The following FRMD3 variants were observed in gnomAD, a reference collection of about 807,000 sequenced individuals.
FRMD3 encodes the protein FERM domain-containing protein 3.
A neutral mutation model predicts 70.2 loss-of-function variants in FRMD3; 33 were observed. That is an observed-to-expected ratio of 0.47 (90% CI 0.36 to 0.63). The LOEUF is 0.63. Ranked by LOEUF, FRMD3 falls within the 20% of genes least tolerant of loss-of-function variation. The pLI is 0.00. For synonymous variants in FRMD3, 279 were observed against 255.9 expected (o/e 1.09, Z -0.86); for missense variants, 632 against 711.4 (o/e 0.89, Z 1.27).
chr9:83,539,877 G>A, upstream of FRMD3, among the ~76,000 whole-genome samples: 1 of 152,304 alleles, frequency 6.6e-6, no homozygotes, highest in South Asian at 2.1e-4. Context: ...TGAATATTTA[G>A]ATGATAGTAT....
intron 3 of FRMD3, among the ~76,000 whole-genome samples, chr9:83,352,018 G>A (rs1395979901): frequency 1.3e-5 from 2 of 152,138 alleles, no homozygotes; most frequent in Admixed American, 1.3e-4. Flanking sequence ...CTCCAGGACA[G>A]TAGATAGAGA....
chr9:83,584,241 A>G, the FRMD3 span, among the ~76,000 whole-genome samples: 2 of 151,956 alleles, frequency 1.3e-5, no homozygotes, highest in African/African-American at 4.8e-5. Context: ...GACCTGGGAG[A>G]TGGAGGCTGC....
At chr9:83,517,572 C>G (rs1455159220) in intron 1 of FRMD3, among the ~76,000 whole-genome samples, 3 of 150,772 alleles carry the variant, frequency 2.0e-5, no homozygotes, top group African/African-American at 7.3e-5. Flanking sequence ...ACAAAAAGCA[C>G]CCGGTACCAT....
chr9:83,357,261 A>G lies in FRMD3; in HGVS notation c.296-7504T>C, dbSNP rs1194793374. Among the ~76,000 whole-genome samples the G allele has an allele frequency of 4.6e-4, 26 of 56,358 alleles. 2 individuals are homozygous for G. The highest frequency in any genetic ancestry group is 2.4e-3 in the African/African-American group (24 of 9,942). 37.0% of individuals were successfully genotyped at this position (56,358 alleles called of 152,430 possible). A position where few individuals can be genotyped will look rare whatever the true frequency, so the allele number is the denominator to read the frequency against. On this transcript the variant is annotated intron_variant, in intron 3 of 13. Coordinates refer to ENST00000304195, the MANE Select transcript of FRMD3 (RefSeq NM_174938.6). ...ATAATACATACATATATATATATATATATATATATATATATATATATATAT... is the reference window on the plus strand; with the variant it reads ...ATAATACATACATATATATATATATGTATATATATATATATATATATATAT...
At chr9:83,463,594 G>A (rs1036189303) in intron 1 of FRMD3, among the ~76,000 whole-genome samples, 2 of 152,134 alleles carry the variant, frequency 1.3e-5, no homozygotes, top group Admixed American at 6.5e-5. Context: ...CACAACACAT[G>A]GGGATTATGG....
the FRMD3 span, among the ~76,000 whole-genome samples, chr9:83,577,040 C>A: frequency 2.0e-5 from 3 of 151,938 alleles, no homozygotes; most frequent in Admixed American, 6.6e-5. Context: ...ACTACAAATT[C>A]TTAAAAGTAA....
chr9:83,539,575 T>TG (rs1315230900), upstream of FRMD3, among the ~76,000 whole-genome samples: 3 of 152,158 alleles, frequency 2.0e-5, no homozygotes, highest in African/African-American at 7.2e-5. Flanking sequence ...TGCCCTGTCC[T>TG]GGGGGTCGAG....
Position 83,440,208 on chromosome 9 carries a change from T to C in FRMD3, c.148-50500A>G, listed in dbSNP as rs114876334. Among the ~76,000 whole-genome samples, 610 of 152,362 alleles carry C rather than the reference T, an allele frequency of 4.0e-3. 5 individuals carry two copies. Among genetic ancestry groups the C allele is most frequent in the African/African-American group, 0.014 (579 of 41,596 alleles). ...TAAGGTCAGAAGAGCACTTCACCTA[T>C]ACTCTAATTCTGAAATCCAAGTCAT... is the stretch of plus-strand genomic sequence containing the variant. On this transcript the variant is annotated intron_variant, in intron 1 of 13. Coordinates refer to ENST00000304195, the MANE Select transcript of FRMD3 (RefSeq NM_174938.6).
intron 1 of FRMD3, among the ~76,000 whole-genome samples, chr9:83,520,682 T>C (rs1288073915): frequency 6.6e-6 from 1 of 152,140 alleles, no homozygotes; most frequent in South Asian, 2.1e-4. Context: ...ACTGCAAAAG[T>C]TCTACCAGAC....
At chr9:83,456,036 T>C (rs529728883) in intron 1 of FRMD3, among the ~76,000 whole-genome samples, 1 of 152,296 alleles carries the variant, frequency 6.6e-6, no homozygotes, top group Non-Finnish European at 1.5e-5. Context: ...AAAGTAAGCC[T>C]CCTCCTGCCC....
At chr9:83,522,141 A>T (rs1829584194) in intron 1 of FRMD3, among the ~76,000 whole-genome samples, 1 of 152,240 alleles carries the variant, frequency 6.6e-6, no homozygotes, top group African/African-American at 2.4e-5. Context: ...AAAAAGAACA[A>T]AGCTTTTAAA....
At chr9:83,404,784 A>G (rs1027894256) in intron 1 of FRMD3, among the ~76,000 whole-genome samples, 1 of 152,210 alleles carries the variant, frequency 6.6e-6, no homozygotes, top group African/African-American at 2.4e-5. Context: ...GTGAGAGTTA[A>G]GAGTTAAGTT....
chr9:83,500,448 C>T (rs75472417), intron 1 of FRMD3, among the ~76,000 whole-genome samples: 1,311 of 147,358 alleles, frequency 8.9e-3, no homozygotes, highest in East Asian at 0.031. Context: ...CCATTTCCTA[C>T]TCTAACATAT....
At chr9:83,487,292 C>T (rs1828709148) in intron 1 of FRMD3, among the ~76,000 whole-genome samples, 1 of 152,134 alleles carries the variant, frequency 6.6e-6, no homozygotes, top group Admixed American at 6.5e-5. Flanking sequence ...TTGTTAAAAG[C>T]ATTTCTCATA....
At chr9:83,356,903 G>A (rs921446676) in intron 3 of FRMD3, among the ~76,000 whole-genome samples, 2 of 151,402 alleles carry the variant, frequency 1.3e-5, no homozygotes, top group Non-Finnish European at 2.9e-5. Context: ...CCAACCCTTT[G>A]TCCCGAGTCC....
intron 12 of FRMD3, among the ~76,000 whole-genome samples, chr9:83,291,872 G>C (rs1046807538): frequency 6.6e-6 from 1 of 152,184 alleles, no homozygotes; most frequent in Non-Finnish European, 1.5e-5. Context: ...CTTCTAGCCT[G>C]AGTGTTTCTG....
chr9:83,337,668 CT>C (rs537472042), intron 5 of FRMD3, among the ~76,000 whole-genome samples: 29 of 152,266 alleles, frequency 1.9e-4, no homozygotes, highest in Non-Finnish European at 3.7e-4. Context: ...ATTAGTATGC[CT>C]TGAGTGCATC....
At chr9:83,438,901 A>G (rs1255983162) in intron 1 of FRMD3, among the ~76,000 whole-genome samples, 1 of 152,200 alleles carries the variant, frequency 6.6e-6, no homozygotes, top group Non-Finnish European at 1.5e-5. Flanking sequence ...TTCCTCCCAC[A>G]AAACAAATGG....
chr9:83,565,985 C>A, the FRMD3 span, among the ~76,000 whole-genome samples: 1 of 152,022 alleles, frequency 6.6e-6, no homozygotes. Flanking sequence ...ATAAAAAGGC[C>A]AAAAAAATTG....
Sources: gnomAD v4.1 joint callset for allele counts (sites outside exome capture counted in the v4.1 genomes callset) on GRCh38, gnomAD v4.1.1 for gene constraint, MANE v1.5 for transcripts, NCBI Gene and HGNC (gene_info 2026-07-23, HGNC 2026-07-21) for gene names.